The following MAGI2 variants were observed in gnomAD, a reference collection of about 807,000 sequenced individuals.
MAGI2 encodes the protein membrane-associated guanylate kinase, WW and PDZ domain-containing protein 2.
A neutral mutation model predicts 133.3 loss-of-function variants in MAGI2; 35 were observed. The observed-to-expected ratio is 0.26, with a 90% confidence interval of 0.20 to 0.35. MAGI2 has a LOEUF of 0.35. MAGI2 is among the 10% of genes least tolerant of loss of function. The pLI is 1.00. For synonymous variants in MAGI2, 729 were observed against 710.6 expected (o/e 1.03, Z -0.41); for missense variants, 1,636 against 1,863.4 (o/e 0.88, Z 2.25).
intron 6 of MAGI2, among the ~76,000 whole-genome samples, chr7:78,419,468 A>G (rs1798599816): frequency 6.6e-6 from 1 of 152,078 alleles, no homozygotes; most frequent in Admixed American, 6.6e-5. Context: ...GTAACATCAT[A>G]GCAACTCTAC....
chr7:78,113,890 T>C (rs760064798), intron 20 of MAGI2, among the ~76,000 whole-genome samples: 9 of 152,254 alleles, frequency 5.9e-5, no homozygotes, highest in Non-Finnish European at 1.2e-4. Flanking sequence ...TCCCATTGAT[T>C]AGATCAGTAA....
chr7:79,302,891 A>G (rs1837495438), intron 1 of MAGI2, among the ~76,000 whole-genome samples: 1 of 152,194 alleles, frequency 6.6e-6, no homozygotes, highest in Non-Finnish European at 1.5e-5. Context: ...AAATAGCTTT[A>G]TCTTTGCTAT....
At chr7:78,433,959 C>T (rs529556601) in intron 6 of MAGI2, among the ~76,000 whole-genome samples, 141 of 152,236 alleles carry the variant, frequency 9.3e-4, no homozygotes, top group African/African-American at 2.9e-3. Flanking sequence ...ACCACAGTCT[C>T]GTCTAGCCAA....
Position 79,204,781 on chromosome 7 carries a change from A to C in MAGI2, c.302-197575T>G, listed in dbSNP as rs527927156. Reference sequence around the variant, plus strand: ...TTTAATAGAAAAATTGAAACAATTAAAAAATAAAATAAATAGAAATCCCAT... The same window carrying C: ...TTTAATAGAAAAATTGAAACAATTACAAAATAAAATAAATAGAAATCCCAT... On this transcript the variant is annotated intron_variant, in intron 1 of 21. Coordinates refer to ENST00000354212, the MANE Select transcript of MAGI2 (RefSeq NM_012301.4). Among the ~76,000 whole-genome samples the C allele has an allele frequency of 1.8e-4, 28 of 152,170 alleles. 1 individual carries two copies. In the South Asian group the frequency reaches 5.0e-3, roughly 27 times the overall value.
intron 1 of MAGI2, among the ~76,000 whole-genome samples, chr7:79,176,715 A>G (rs965098232): frequency 4.6e-5 from 7 of 152,030 alleles, no homozygotes; most frequent in African/African-American, 1.7e-4. Flanking sequence ...TAATTTTATA[A>G]AACACCGTGA....
chr7:79,062,996 C>T (rs1813919021), intron 1 of MAGI2, among the ~76,000 whole-genome samples: 1 of 152,064 alleles, frequency 6.6e-6, no homozygotes, highest in South Asian at 2.1e-4. Flanking sequence ...GTATGCTTTC[C>T]TTATGCTGCT....
At chr7:79,110,925 C>A (rs1477048665) in intron 1 of MAGI2, among the ~76,000 whole-genome samples, 2 of 152,018 alleles carry the variant, frequency 1.3e-5, no homozygotes, top group African/African-American at 4.8e-5. Context: ...CCCCCCATAC[C>A]CTCTTGTTCC....
At chr7:78,227,850 T>TTTGTGTGTGTGTGTGTG (rs10630131) in intron 10 of MAGI2, among the ~76,000 whole-genome samples, 4 of 145,546 alleles carry the variant, frequency 2.7e-5, no homozygotes, top group Non-Finnish European at 6.1e-5. Context: ...TCTTACTCAG[T>TTTGTGTGTGTGTGTGTG]TGTGTGTGTG....
At chr7:78,273,640 A>G (rs547948381) in intron 9 of MAGI2, among the ~76,000 whole-genome samples, 3 of 146,634 alleles carry the variant, frequency 2.0e-5, no homozygotes, top group Admixed American at 6.8e-5. Context: ...ATTTCTTTTC[A>G]CTCTTTTTTC....
chr7:78,263,277 C>T (rs1793690494), intron 9 of MAGI2, among the ~76,000 whole-genome samples: 1 of 152,184 alleles, frequency 6.6e-6, no homozygotes, highest in South Asian at 2.1e-4. Context: ...CTGCAATGAA[C>T]ATATGAGTGC....
At position 78,692,736 on chromosome 7, in the gene MAGI2, A is replaced by G. The variant is rs1228185778; in HGVS notation, c.419-65497T>C. On this transcript the variant is annotated intron_variant, in intron 2 of 21. Coordinates refer to ENST00000354212, the MANE Select transcript of MAGI2 (RefSeq NM_012301.4). The stretch of plus-strand genomic sequence containing the variant: ...CAAATAAATCCGGAACAAAAAACGC[A>G]TGCTCTAATCATTGAATTAAATAGC... Among the ~76,000 whole-genome samples the G allele has an allele frequency of 2.0e-5, 3 of 152,308 alleles. No individual in the cohort carries two copies. In the East Asian group the frequency reaches 5.8e-4, roughly 29 times the overall value.
chr7:79,218,330 G>A (rs1055724304), intron 1 of MAGI2, among the ~76,000 whole-genome samples: 1 of 151,952 alleles, frequency 6.6e-6, no homozygotes, highest in Non-Finnish European at 1.5e-5. Context: ...ACAAATATTT[G>A]GCACCTGCAC....
intron 1 of MAGI2, among the ~76,000 whole-genome samples, chr7:79,303,431 C>T (rs1534493): frequency 0.96 from 145,941 of 152,306 alleles, 70,001 homozygotes; most frequent in Non-Finnish European, 0.98. Flanking sequence ...GCCAGTTACA[C>T]ATCATTTAGT....
intron 3 of MAGI2, among the ~76,000 whole-genome samples, chr7:78,625,741 T>C (rs530697203): frequency 1.1e-4 from 17 of 152,318 alleles, no homozygotes; most frequent in African/African-American, 4.1e-4. Flanking sequence ...TTTAATCTTT[T>C]ATACCATATT....
intron 1 of MAGI2, among the ~76,000 whole-genome samples, chr7:79,235,874 G>A (rs1010311629): frequency 2.0e-5 from 3 of 152,212 alleles, no homozygotes; most frequent in African/African-American, 4.8e-5. Context: ...AACTTTGTTT[G>A]CTTTGTATTT....
At chr7:78,163,199 G>A (rs959388366) in intron 15 of MAGI2, among the ~76,000 whole-genome samples, 3 of 152,036 alleles carry the variant, frequency 2.0e-5, no homozygotes, top group Admixed American at 6.6e-5. Context: ...GTGCAGTGGC[G>A]CGGTCTTGGC....
At chr7:79,311,442 C>T (rs1376857806) in intron 1 of MAGI2, among the ~76,000 whole-genome samples, 3 of 152,086 alleles carry the variant, frequency 2.0e-5, no homozygotes, top group Non-Finnish European at 2.9e-5. Context: ...GGGCTGTGGG[C>T]CATGGGTTGA....
At chr7:79,324,242 A>T (rs1839419769) in intron 1 of MAGI2, among the ~76,000 whole-genome samples, 1 of 150,518 alleles carries the variant, frequency 6.6e-6, no homozygotes, top group African/African-American at 2.4e-5. Flanking sequence ...TTTTGTTCCA[A>T]TTTTAGTGTA....
chr7:78,356,688 T>A (rs1314194070), intron 7 of MAGI2, among the ~76,000 whole-genome samples: 1 of 152,206 alleles, frequency 6.6e-6, no homozygotes, highest in Non-Finnish European at 1.5e-5. Flanking sequence ...TGAGCGCTGG[T>A]GGGAACTCTT....
Sources: gnomAD v4.1 joint callset for allele counts (sites outside exome capture counted in the v4.1 genomes callset) on GRCh38, gnomAD v4.1.1 for gene constraint, MANE v1.5 for transcripts, NCBI Gene and HGNC (gene_info 2026-07-23, HGNC 2026-07-21) for gene names.